The following SARNP variants were observed in gnomAD, a reference collection of about 807,000 sequenced individuals.
SARNP encodes the protein SAP domain containing ribonucleoprotein.
SARNP carries 5 observed loss-of-function variants against 38.1 expected under a neutral mutation model. The observed-to-expected ratio is 0.13, with a 90% confidence interval of 0.07 to 0.28. The LOEUF (loss-of-function observed/expected upper bound fraction) is 0.28. Ranked by LOEUF, SARNP falls within the 10% of genes least tolerant of loss-of-function variation. The pLI is 1.00. For missense variants in SARNP, 180 were observed against 243.9 expected, an observed-to-expected ratio of 0.74 and a Z score of 1.75; for synonymous variants, 84 against 80.6, an observed-to-expected ratio of 1.04 and a Z score of -0.23.
intron 1 of SARNP, among the ~76,000 whole-genome samples, chr12:55,806,550 C>T (rs1337017551): frequency 6.6e-6 from 1 of 151,500 alleles, no homozygotes; most frequent in Non-Finnish European, 1.5e-5. Context: ...TCTGGGATTA[C>T]AGGTGTGAAC....
chr12:55,770,517 G>A (rs574550557), intron 9 of SARNP, among the ~76,000 whole-genome samples: 1 of 152,056 alleles, frequency 6.6e-6, no homozygotes, highest in East Asian at 1.9e-4. Flanking sequence ...GTGATTACAG[G>A]CATGAGCCAC....
intron 9 of SARNP, among the ~76,000 whole-genome samples, chr12:55,773,883 T>G (rs1411681707): frequency 6.6e-6 from 1 of 152,136 alleles, no homozygotes; most frequent in Non-Finnish European, 1.5e-5. Context: ...AATTTTTGTA[T>G]TTTTAGTAGA....
intron 1 of SARNP, among the ~76,000 whole-genome samples, chr12:55,816,645 G>A (rs968274002): frequency 6.6e-6 from 1 of 152,192 alleles, no homozygotes; most frequent in African/African-American, 2.4e-5. Context: ...TTCAGTTTCA[G>A]CTATATCAGC....
chr12:55,805,589 G>A (rs892729664), intron 1 of SARNP, among the ~76,000 whole-genome samples: 1 of 152,350 alleles, frequency 6.6e-6, no homozygotes, highest in Admixed American at 6.5e-5. Context: ...GCTCACGCCT[G>A]TAATCCCAGC....
downstream of SARNP, chr12:55,753,047 G>C (rs1017498932): frequency 6.6e-6 from 1 of 152,188 alleles, no homozygotes; most frequent in South Asian, 2.1e-4. Flanking sequence ...GGGACATGCA[G>C]GCCAAGGAAG....
At chr12:55,758,905 CTTTTT>C (rs1161845803) in intron 10 of SARNP, among the ~76,000 whole-genome samples, 3 of 136,650 alleles carry the variant, frequency 2.2e-5, no homozygotes, top group Non-Finnish European at 4.7e-5. Flanking sequence ...GCCTAATATA[CTTTTT>C]TTTTTTTTTT....
At chr12:55,797,997 C>T (rs1280993667) in intron 4 of SARNP, among the ~76,000 whole-genome samples, 3 of 152,264 alleles carry the variant, frequency 2.0e-5, no homozygotes, top group East Asian at 1.9e-4. Context: ...TTCAAACTTT[C>T]GAACCTCTAT....
rs777333492 is a variant in SARNP, at chr12:55,800,843, A to C, written c.183+11T>G. ...CATTACCAGAGACTAACCTTACTCT[A>C]TCCAACTCACCTCTGTTTCATCTCC... On this transcript the variant is annotated intron_variant, in intron 3 of 10. Transcript: ENST00000336133. 6.2e-7 allele frequency: 1 copy of C among 1,608,150 alleles called. No homozygotes were observed. Among genetic ancestry groups the C allele is most frequent in the South Asian group, 1.1e-5 (1 of 90,992 alleles).
intron 2 of SARNP, 147 bp from the exon 3 acceptor site, chr12:55,801,047 G>A (rs1322218898): frequency 4.5e-6 from 3 of 669,482 alleles, no homozygotes; most frequent in Non-Finnish European, 8.0e-6. Flanking sequence ...TGCTACATCT[G>A]GAGAAGATAA....
chr12:55,762,981 G>C (rs1372714196), intron 9 of SARNP, among the ~76,000 whole-genome samples: 1 of 152,158 alleles, frequency 6.6e-6, no homozygotes, highest in Non-Finnish European at 1.5e-5. Flanking sequence ...AGTAGGAAGA[G>C]ACCTAAGAAA....
chr12:55,759,869 C>T (rs1352863236), intron 10 of SARNP, among the ~76,000 whole-genome samples: 1 of 152,060 alleles, frequency 6.6e-6, no homozygotes, highest in East Asian at 1.9e-4. Flanking sequence ...TCCTGAGTAG[C>T]TGGGACTATA....
intron 9 of SARNP, among the ~76,000 whole-genome samples, chr12:55,777,718 T>C (rs1030837169): frequency 2.6e-5 from 4 of 152,176 alleles, no homozygotes; most frequent in Non-Finnish European, 4.4e-5. Context: ...CTAACGTCTC[T>C]TGTCCAATTT....
rs1294701119 is a variant in SARNP, at chr12:55,757,718, A to G, written c.592-165T>C. On this transcript the variant is annotated intron_variant, in intron 10 of 10. Transcript: ENST00000336133. Reference sequence around the variant, plus strand: ...GAGATTTCATTCCTGAATCTCTCCAATCCTTCCAGTTATCCAGTAGGAGCT... The same window carrying G: ...GAGATTTCATTCCTGAATCTCTCCAGTCCTTCCAGTTATCCAGTAGGAGCT... 2.2e-4 allele frequency among the ~76,000 whole-genome samples: 34 copies of G among 152,194 alleles called. 1 individual carries two copies. Among genetic ancestry groups the G allele is most frequent in the Admixed American group, 2.2e-3 (34 of 15,282 alleles).
At chr12:55,786,510 C>T (rs114928614) in intron 9 of SARNP, among the ~76,000 whole-genome samples, 2,298 of 152,230 alleles carry the variant, frequency 0.015, 54 homozygotes, top group African/African-American at 0.053. Context: ...AGTACGGTGG[C>T]GCAATCTCGG....
At chr12:55,816,203 A>G (rs190429511) in intron 1 of SARNP, among the ~76,000 whole-genome samples, 14 of 152,360 alleles carry the variant, frequency 9.2e-5, no homozygotes, top group Admixed American at 6.5e-5. Context: ...GGATTTCAAA[A>G]ATAGGACAAA....
chr12:55,760,799 C>T, intron 9 of SARNP, 159 bp from the exon 10 acceptor site: 1 of 602,294 alleles, frequency 1.7e-6, no homozygotes, highest in Non-Finnish European at 3.0e-6. Flanking sequence ...ACTGAATAAG[C>T]TAGCATATAC....
At chr12:55,809,646 G>A (rs1298443045) in intron 1 of SARNP, among the ~76,000 whole-genome samples, 1 of 151,574 alleles carries the variant, frequency 6.6e-6, no homozygotes, top group African/African-American at 2.4e-5. Context: ...GGGAGGCTAA[G>A]GCAGGGGCAT....
intron 9 of SARNP, among the ~76,000 whole-genome samples, chr12:55,779,516 C>A (rs1879281445): frequency 1.3e-5 from 2 of 152,206 alleles, no homozygotes; most frequent in African/African-American, 4.8e-5. Context: ...TCTACCACTA[C>A]TTCCTTTAAA....
chr12:55,772,311 G>C (rs1198879676), intron 9 of SARNP, among the ~76,000 whole-genome samples: 1 of 152,086 alleles, frequency 6.6e-6, no homozygotes, highest in Non-Finnish European at 1.5e-5. Flanking sequence ...GGGCTGGTAG[G>C]GTGCTAGGAA....
Sources: allele counts gnomAD v4.1 joint callset (sites outside exome capture counted in the v4.1 genomes callset), GRCh38; gene constraint gnomAD v4.1.1; transcripts MANE v1.5; gene names NCBI Gene and HGNC (gene_info 2026-07-23, HGNC 2026-07-21).